Variants in GSE1 observed in about 807,000 individuals in gnomAD.
The protein encoded by GSE1 is genetic suppressor element 1.
A neutral mutation model predicts 112.6 loss-of-function variants in GSE1; 32 were observed. The observed-to-expected ratio is 0.28, with a 90% CI of 0.21 to 0.38. The LOEUF is 0.38. GSE1 is among the 10% of genes least tolerant of loss of function. GSE1 has a pLI of 1.00. For synonymous variants in GSE1, 1,115 were observed against 735.6 expected (o/e 1.52, Z -8.35); for missense variants, 2,348 against 1,699.2 (o/e 1.38, Z -6.71).
chr16:85,448,153 A>C (rs2049566887), intron 2 of GSE1, among the ~76,000 whole-genome samples: 1 of 152,214 alleles, frequency 6.6e-6, no homozygotes. Flanking sequence ...AAGGATGTGC[A>C]GACTTGAAGA....
At chr16:85,554,139 C>CT (rs1418010599), upstream of GSE1, among the ~76,000 whole-genome samples, 1 of 149,108 alleles carries the variant, frequency 6.7e-6, no homozygotes, top group Non-Finnish European at 1.5e-5. Context: ...CAAGAGGCAG[C>CT]TTTGCAGCGT....
chr16:85,456,851 G>A lies in GSE1; in HGVS notation c.2464+99208G>A, dbSNP rs142734696. Among the ~76,000 whole-genome samples the A allele has an allele frequency of 3.3e-5, 5 of 152,084 alleles. No individual in the cohort carries two copies. The East Asian group carries it at 9.7e-4, about 29-fold the overall frequency. On this transcript the variant is annotated intron_variant, in intron 2 of 2. Coordinates refer to the GSE1 transcript ENST00000637419. ...CACTCCCAAGCCCCGCCATTGCCAG[G>A]GACGGTGGGACTCACAGGAGAGACA...
intron 2 of GSE1, among the ~76,000 whole-genome samples, chr16:85,502,385 C>G (rs895280187): frequency 5.3e-5 from 8 of 152,182 alleles, no homozygotes; most frequent in Non-Finnish European, 1.0e-4. Context: ...CTCATCTGCT[C>G]AGAAGGACAG....
At chr16:85,529,778 C>A (rs1399915232) in intron 2 of GSE1, among the ~76,000 whole-genome samples, 1 of 152,182 alleles carries the variant, frequency 6.6e-6, no homozygotes, top group Non-Finnish European at 1.5e-5. Context: ...GACTGTCTAG[C>A]TAGAGGAGGT....
chr16:85,436,974 C>T (rs917550541), intron 2 of GSE1, among the ~76,000 whole-genome samples: 1 of 152,166 alleles, frequency 6.6e-6, no homozygotes, highest in Non-Finnish European at 1.5e-5. Flanking sequence ...GGGAGGTTAC[C>T]GTCGAGGTCG....
intron 1 of GSE1, among the ~76,000 whole-genome samples, chr16:85,221,242 C>A (rs2075386090): frequency 6.6e-6 from 1 of 152,056 alleles, no homozygotes; most frequent in African/African-American, 2.4e-5. Context: ...TGCGAGGAGC[C>A]CCACTGTGCG....
intron 2 of GSE1, among the ~76,000 whole-genome samples, chr16:85,493,226 G>C (rs1337564672): frequency 6.6e-6 from 1 of 152,174 alleles, no homozygotes; most frequent in Non-Finnish European, 1.5e-5. Context: ...GAGGCAGGGG[G>C]ATTGCTTGAA....
upstream of GSE1, among the ~76,000 whole-genome samples, chr16:85,609,576 C>G (rs562706506): frequency 1.3e-5 from 2 of 152,208 alleles, no homozygotes; most frequent in South Asian, 4.1e-4. Context: ...GGACTCCCGT[C>G]TCCAGACACC....
At chr16:85,586,418 G>A (rs2046696696) in intron 1 of GSE1, among the ~76,000 whole-genome samples, 1 of 152,090 alleles carries the variant, frequency 6.6e-6, no homozygotes. Context: ...CTCTCCTCCA[G>A]CCCCATCTCT....
At chr16:85,547,465 T>G (rs1278745036) in intron 2 of GSE1, among the ~76,000 whole-genome samples, 1 of 152,220 alleles carries the variant, frequency 6.6e-6, no homozygotes, top group Non-Finnish European at 1.5e-5. Context: ...ATCTCTCCTG[T>G]GTGTCTTGTC....
At chr16:85,399,911 G>A (rs984528331) in intron 2 of GSE1, among the ~76,000 whole-genome samples, 1 of 152,156 alleles carries the variant, frequency 6.6e-6, no homozygotes, top group Middle Eastern at 3.2e-3. Flanking sequence ...GGCAGACCCT[G>A]GGCCCCAGGC....
intron 1 of GSE1, among the ~76,000 whole-genome samples, chr16:85,331,465 GTATATATGTA>G (rs1478103915): frequency 1.5e-5 from 2 of 135,808 alleles, no homozygotes; most frequent in East Asian, 2.2e-4. Context: ...ATATATGTGT[GTATATATGTA>G]TATATGTGTA....
At chr16:85,263,179 G>C (rs371917824) in intron 1 of GSE1, among the ~76,000 whole-genome samples, 4 of 152,330 alleles carry the variant, frequency 2.6e-5, no homozygotes, top group African/African-American at 9.6e-5. Flanking sequence ...TTCAAAGAGT[G>C]TGGTCAGAAT....
At chr16:85,613,134 C>G, upstream of GSE1, 2 of 1,211,538 alleles carry the variant, frequency 1.7e-6, no homozygotes, top group Non-Finnish European at 1.1e-6. Context: ...GCGGCTGAAA[C>G]CCGACACCTC....
intron 2 of GSE1, among the ~76,000 whole-genome samples, chr16:85,644,034 A>G (rs994918305): frequency 6.6e-6 from 1 of 151,920 alleles, no homozygotes; most frequent in Non-Finnish European, 1.5e-5. Context: ...CTTTCCATGA[A>G]GTAGGGTGGT....
chr16:85,654,759 C>G (rs769361515), intron 4 of GSE1, 35 bp from the exon 5 acceptor site: 18 of 1,401,004 alleles, frequency 1.3e-5, no homozygotes, highest in East Asian at 2.3e-5. Context: ...TGTGCACTCA[C>G]CTGTCCCCAC....
intron 2 of GSE1, among the ~76,000 whole-genome samples, chr16:85,545,076 C>A (rs74859781): frequency 0.015 from 2,350 of 152,338 alleles, 64 homozygotes; most frequent in African/African-American, 0.053. Flanking sequence ...AGAATGTGGA[C>A]AACCAGGGCT....
At chr16:85,622,654 C>T (rs1210885807) in intron 1 of GSE1, among the ~76,000 whole-genome samples, 4 of 152,144 alleles carry the variant, frequency 2.6e-5, no homozygotes, top group Non-Finnish European at 4.4e-5. Context: ...TTTGCAAAGG[C>T]GGATGTAACT....
intron 1 of GSE1, among the ~76,000 whole-genome samples, chr16:85,214,731 G>A (rs1196373129): frequency 6.6e-6 from 1 of 152,168 alleles, no homozygotes; most frequent in Non-Finnish European, 1.5e-5. Context: ...GGGTGCAGGC[G>A]ACTAGAGCCT....
Sources: gnomAD v4.1 joint callset for allele counts (sites outside exome capture counted in the v4.1 genomes callset) on GRCh38, gnomAD v4.1.1 for gene constraint, MANE v1.5 for transcripts, NCBI Gene and HGNC (gene_info 2026-07-23, HGNC 2026-07-21) for gene names.